The following RBFOX2 variants were observed in gnomAD, a reference collection of about 807,000 sequenced individuals.
RBFOX2 encodes the protein RNA binding fox-1 homolog 2, also known as RNA binding protein fox-1 homolog 2.
RBFOX2 carries 10 observed loss-of-function variants against 49.1 expected under a neutral mutation model. The ratio of observed to expected loss-of-function variants is 0.20; its 90% CI spans 0.13 to 0.35. RBFOX2 has a LOEUF of 0.35. RBFOX2 is among the 10% of genes least tolerant of loss of function. RBFOX2 has a pLI of 1.00. For synonymous variants in RBFOX2, 183 were observed against 187.4 expected, an observed-to-expected ratio of 0.98 and a Z score of 0.19; for missense variants, 323 against 486.9, an observed-to-expected ratio of 0.66 and a Z score of 3.17.
chr22:35,898,426 T>A, intron 1 of RBFOX2: 1 of 455,584 alleles, frequency 2.2e-6, no homozygotes, highest in South Asian at 2.2e-5. Flanking sequence ...ATCCTTTTTT[T>A]TTTTTTTTTT....
Position 35,759,750 on chromosome 22 carries a change from C to T in RBFOX2, c.887+138G>A, listed in dbSNP as rs1191134920. The T allele has an allele frequency of 4.4e-5, 51 of 1,159,212 alleles. No homozygotes were observed. In the East Asian group the frequency reaches 6.8e-4, roughly 15 times the overall value. The allele number at this position is 1,159,212 out of a possible 1,614,324, so 71.8% of individuals were successfully genotyped here. A position where few individuals can be genotyped will look rare whatever the true frequency, so the allele number is the denominator to read the frequency against. On this transcript the variant is annotated intron_variant, in intron 9 of 11. Coordinates refer to ENST00000405409, the Ensembl canonical transcript of RBFOX2. The surrounding 1 kb of genome is among the most constrained non-coding windows in gnomAD (Gnocchi z 4.6). ...TATATTTTGTTTTTTGTCATCTAAT[C>T]TGTTAATTTGCAAATATTCACTGAA...
intron 1 of RBFOX2, among the ~76,000 whole-genome samples, chr22:35,946,863 AACT>A (rs1223177410): frequency 6.6e-6 from 1 of 152,226 alleles, no homozygotes; most frequent in Non-Finnish European, 1.5e-5. Context: ...TTTGGTCAAC[AACT>A]GATTGCATAA....
rs530985241 is a variant in RBFOX2, at chr22:35,862,374, TGGAG to T, written c.-33-52374_-33-52371del. ...TTTTTGAAGGGTTAGTTATTTTCTT[TGGAG>T]GGGGGGGGGAATGATAAAAGGAGAT... On this transcript the variant is annotated intron_variant, in intron 1 of 13. Transcript: ENST00000359369. Among the ~76,000 whole-genome samples, 134 of 133,370 alleles carry T rather than the reference TGGAG, an allele frequency of 1.0e-3. 1 individual carries two copies. Among genetic ancestry groups the T allele is most frequent in the Non-Finnish European group, 1.9e-3 (115 of 61,938 alleles). 87.5% of individuals were successfully genotyped at this position (133,370 alleles called of 152,430 possible).
intron 1 of RBFOX2, among the ~76,000 whole-genome samples, chr22:35,835,881 T>C (rs1482112773): frequency 2.0e-5 from 3 of 151,976 alleles, no homozygotes; most frequent in African/African-American, 7.2e-5. Flanking sequence ...GAAATGATTA[T>C]AACTGAAGAT....
intron 1 of RBFOX2, among the ~76,000 whole-genome samples, chr22:35,866,939 C>T (rs757380430): frequency 3.3e-4 from 50 of 152,234 alleles, no homozygotes; most frequent in Non-Finnish European, 2.2e-4. Flanking sequence ...CCCTTGGAGC[C>T]CTACAGAATG....
chr22:35,912,531 G>A (rs1485545746), intron 1 of RBFOX2, among the ~76,000 whole-genome samples: 3 of 152,180 alleles, frequency 2.0e-5, no homozygotes, highest in Admixed American at 1.3e-4. Context: ...ACCTGAGGAT[G>A]AGTAGCTATT....
intron 11 of RBFOX2, among the ~76,000 whole-genome samples, chr22:35,745,647 C>G (rs779221064): frequency 6.6e-5 from 10 of 152,204 alleles, no homozygotes; most frequent in Non-Finnish European, 1.2e-4. Flanking sequence ...AAAACATTCA[C>G]CAGTTCCCCT....
chr22:35,979,899 C>T (rs941498498), intron 1 of RBFOX2, among the ~76,000 whole-genome samples: 3 of 152,138 alleles, frequency 2.0e-5, no homozygotes, highest in Non-Finnish European at 4.4e-5. Flanking sequence ...CTACCTCATT[C>T]GACAAATAGG....
intron 1 of RBFOX2, among the ~76,000 whole-genome samples, chr22:35,930,074 T>G (rs1243914156): frequency 6.8e-6 from 1 of 146,726 alleles, no homozygotes; most frequent in African/African-American, 2.6e-5. Flanking sequence ...CAGGCTCGAG[T>G]GCAGTGGCAT....
intron 1 of RBFOX2, among the ~76,000 whole-genome samples, chr22:35,827,938 G>T (rs1006945475): frequency 1.3e-5 from 2 of 152,078 alleles, no homozygotes; most frequent in Admixed American, 1.3e-4. Context: ...AGGCCGAGGT[G>T]GGCAGATCAC....
chr22:35,961,710 T>C (rs907661196), upstream of RBFOX2: 1 of 1,292,558 alleles, frequency 7.7e-7, no homozygotes, highest in African/African-American at 1.5e-5. Flanking sequence ...ATTGGCTTCA[T>C]GGAGCAGGAT....
At position 36,020,740 on chromosome 22, in the gene RBFOX2, G is replaced by C. The variant is rs539952032; in HGVS notation, c.186+7500C>G. Among the ~76,000 whole-genome samples the C allele has an allele frequency of 2.4e-4, 37 of 152,286 alleles. No homozygotes were observed. In the South Asian group the frequency reaches 7.3e-3, roughly 30 times the overall value. On this transcript the variant is annotated intron_variant, in intron 1 of 13. Transcript: ENST00000438146. ...AGAATGGCGATCATTAAAAAGTCAGGAAACAACAGGTGCTGGAGAGGATGT... is the reference window on the plus strand; with the variant it reads ...AGAATGGCGATCATTAAAAAGTCAGCAAACAACAGGTGCTGGAGAGGATGT...
At chr22:35,857,855 A>G (rs2042684092) in intron 1 of RBFOX2, among the ~76,000 whole-genome samples, 1 of 152,246 alleles carries the variant, frequency 6.6e-6, no homozygotes, top group Non-Finnish European at 1.5e-5. Flanking sequence ...AAGATTAAGC[A>G]TAATCGTGTA....
intron 1 of RBFOX2, among the ~76,000 whole-genome samples, chr22:36,001,839 G>A (rs1030638216): frequency 5.3e-5 from 8 of 152,156 alleles, no homozygotes; most frequent in South Asian, 2.1e-4. Context: ...CAAGGCGGGC[G>A]GATCACTTGA....
chr22:35,940,560 T>C (rs1194330388), upstream of RBFOX2, among the ~76,000 whole-genome samples: 4 of 152,308 alleles, frequency 2.6e-5, no homozygotes, highest in East Asian at 1.9e-4. Flanking sequence ...CATAGAGTTA[T>C]ATGACCCAGC....
At chr22:35,761,077 T>A in intron 8 of RBFOX2, 125 bp downstream of exon 9, 1 of 779,574 alleles carries the variant, frequency 1.3e-6, no homozygotes, top group Non-Finnish European at 2.1e-6. Flanking sequence ...ACTGGGATAG[T>A]ATTTAATATC....
In RBFOX2 at chr22:35,928,646, G is replaced by A. The variant is rs58710371; in HGVS notation, c.-34+10201C>T. 3.5e-3 allele frequency among the ~76,000 whole-genome samples: 533 copies of A among 152,260 alleles called. 2 individuals carry two copies. The highest frequency in any genetic ancestry group is 0.011 in the African/African-American group (460 of 41,546). On this transcript the variant is annotated intron_variant, in intron 1 of 13. Transcript: ENST00000359369. ...CTGTTTTCTTTTATTGGAGAAGGAC[G>A]AAGATACATATTACAAAACCTCATA...
At chr22:35,800,329 G>A (rs562170836) in intron 2 of RBFOX2, among the ~76,000 whole-genome samples, 10 of 152,034 alleles carry the variant, frequency 6.6e-5, no homozygotes, top group South Asian at 4.1e-4. Flanking sequence ...AATCTTCTCC[G>A]AGCACAATTC....
chr22:35,974,670 G>C (rs1218691726), intron 1 of RBFOX2, among the ~76,000 whole-genome samples: 1 of 152,108 alleles, frequency 6.6e-6, no homozygotes, highest in African/African-American at 2.4e-5. Context: ...CTGGGTGACA[G>C]AGCGAGACTC....
Sources: gnomAD v4.1 joint callset for allele counts (sites outside exome capture counted in the v4.1 genomes callset) on GRCh38, gnomAD v4.1.1 for gene constraint, Gnocchi (gnomAD v3.1) non-coding constraint, MANE v1.5 for transcripts, NCBI Gene and HGNC (gene_info 2026-07-23, HGNC 2026-07-21) for gene names.